Variants in RBFOX1 observed in about 807,000 individuals in gnomAD.
RBFOX1 encodes the protein RNA binding fox-1 homolog 1, also known as RNA binding protein fox-1 homolog 1.
A neutral mutation model predicts 57.7 loss-of-function variants in RBFOX1; 8 were observed. That is an observed-to-expected ratio of 0.14 (90% CI 0.08 to 0.25). RBFOX1 has a LOEUF of 0.25. Ranked by LOEUF, RBFOX1 falls within the 10% of genes least tolerant of loss-of-function variation. The probability of loss-of-function intolerance (pLI) is 1.00; values close to 1 mark genes in which losing one functional copy is unlikely to be tolerated. For synonymous variants in RBFOX1, 326 were observed against 222.4 expected, an observed-to-expected ratio of 1.47 and a Z score of -4.15; for missense variants, 611 against 548.5, an observed-to-expected ratio of 1.11 and a Z score of -1.14.
chr16:5,712,026 C>G (rs909799074), intron 3 of RBFOX1, among the ~76,000 whole-genome samples: 1 of 152,122 alleles, frequency 6.6e-6, no homozygotes, highest in African/African-American at 2.4e-5. Flanking sequence ...AGGAAACTTA[C>G]AATTATGATG....
intron 2 of RBFOX1, among the ~76,000 whole-genome samples, chr16:6,332,826 A>C (rs809063): frequency 0.32 from 48,145 of 152,022 alleles, 9,429 homozygotes; most frequent in African/African-American, 0.56. Context: ...GGGTAGATGA[A>C]AGGTGTTGGA....
chr16:7,087,675 T>C (rs2060199713), intron 4 of RBFOX1, among the ~76,000 whole-genome samples: 1 of 151,896 alleles, frequency 6.6e-6, no homozygotes, highest in African/African-American at 2.4e-5. Flanking sequence ...CCTCATAAAC[T>C]CATAAACAAG....
intron 1 of RBFOX1, among the ~76,000 whole-genome samples, chr16:6,279,440 T>G (rs376467185): frequency 2.6e-5 from 4 of 152,154 alleles, no homozygotes; most frequent in African/African-American, 9.7e-5. Flanking sequence ...GTAAACAGCT[T>G]CCTCTGCAGA....
intron 1 of RBFOX1, among the ~76,000 whole-genome samples, chr16:6,027,193 G>A (rs2095212976): frequency 6.6e-6 from 1 of 152,170 alleles, no homozygotes; most frequent in African/African-American, 2.4e-5. Flanking sequence ...GACACTCACT[G>A]GAAGCTCCTT....
At chr16:5,635,504 T>A (rs933678009) in intron 3 of RBFOX1, among the ~76,000 whole-genome samples, 7 of 152,216 alleles carry the variant, frequency 4.6e-5, no homozygotes, top group African/African-American at 1.7e-4. Flanking sequence ...CTTCTGGCTT[T>A]GAGTGACAAA....
intron 2 of RBFOX1, among the ~76,000 whole-genome samples, chr16:5,559,165 CAAAAA>C (rs35531242): frequency 1.1e-4 from 7 of 65,384 alleles, no homozygotes; most frequent in Non-Finnish European, 1.7e-4. Context: ...CCCCCCCAGG[CAAAAA>C]AAAAAAAAAA....
intron 4 of RBFOX1, among the ~76,000 whole-genome samples, chr16:7,444,540 C>G (rs371420373): frequency 8.5e-5 from 13 of 152,062 alleles, no homozygotes; most frequent in Middle Eastern, 3.4e-3. Context: ...GCTTGGGTAG[C>G]CTTTTTTTTT....
chr16:6,045,864 C>G (rs903117045), intron 1 of RBFOX1, among the ~76,000 whole-genome samples: 2 of 152,092 alleles, frequency 1.3e-5, no homozygotes, highest in Non-Finnish European at 2.9e-5. Flanking sequence ...ACACAAAACC[C>G]CAGGGAAAGA....
At chr16:6,860,288 C>G (rs917782078) in intron 3 of RBFOX1, among the ~76,000 whole-genome samples, 75 of 152,148 alleles carry the variant, frequency 4.9e-4, no homozygotes, top group African/African-American at 1.7e-3. Flanking sequence ...TATTTAATGT[C>G]TGATGACTAA....
intron 1 of RBFOX1, among the ~76,000 whole-genome samples, chr16:6,222,160 G>A (rs2097378489): frequency 6.6e-6 from 1 of 152,138 alleles, no homozygotes; most frequent in Non-Finnish European, 1.5e-5. Context: ...CAATGGAAAT[G>A]AATGTTTTAG....
intron 2 of RBFOX1, among the ~76,000 whole-genome samples, chr16:6,499,904 T>G (rs776852588): frequency 2.0e-5 from 3 of 152,142 alleles, no homozygotes; most frequent in Non-Finnish European, 4.4e-5. Flanking sequence ...AAGGATGTGG[T>G]AAGGGTGAGT....
chr16:6,580,658 A>G (rs1289636330), intron 2 of RBFOX1, among the ~76,000 whole-genome samples: 1 of 152,220 alleles, frequency 6.6e-6, no homozygotes, highest in Non-Finnish European at 1.5e-5. Context: ...GGGTATACAC[A>G]GTAAACTCAG....
chr16:6,858,057 G>A (rs1278254696), intron 3 of RBFOX1, among the ~76,000 whole-genome samples: 2 of 152,156 alleles, frequency 1.3e-5, no homozygotes, highest in African/African-American at 4.8e-5. Flanking sequence ...TCCCAAGAAT[G>A]GCCTTGCTTA....
intron 4 of RBFOX1, among the ~76,000 whole-genome samples, chr16:7,504,277 C>A (rs931159392): frequency 6.6e-6 from 1 of 151,906 alleles, no homozygotes; most frequent in African/African-American, 2.4e-5. Flanking sequence ...ACATTTAGGG[C>A]AGTGGCAAGC....
intron 4 of RBFOX1, among the ~76,000 whole-genome samples, chr16:7,198,303 C>A (rs963009502): frequency 6.6e-6 from 1 of 152,140 alleles, no homozygotes; most frequent in Non-Finnish European, 1.5e-5. Context: ...CCGCACATGG[C>A]CAATATACCC....
chr16:5,428,549 C>T (rs1455396687), intron 1 of RBFOX1, among the ~76,000 whole-genome samples: 1 of 152,114 alleles, frequency 6.6e-6, no homozygotes, highest in African/African-American at 2.4e-5. Flanking sequence ...TCAGATTGTC[C>T]TGAGCACCAC....
chr16:6,953,578 G>C (rs979612443), intron 3 of RBFOX1, among the ~76,000 whole-genome samples: 2 of 152,090 alleles, frequency 1.3e-5, no homozygotes, highest in Non-Finnish European at 1.5e-5. Context: ...GTAGAGATGG[G>C]GTTTTGCCAT....
intron 4 of RBFOX1, chr16:7,332,853 C>G (rs1464493489): frequency 7.6e-6 from 11 of 1,455,692 alleles, no homozygotes; most frequent in Middle Eastern, 2.6e-4. Context: ...TTCTTTCTTT[C>G]CTCTCCCGGC....
At chr16:7,348,970 G>T (rs888825612) in intron 4 of RBFOX1, among the ~76,000 whole-genome samples, 2 of 152,082 alleles carry the variant, frequency 1.3e-5, no homozygotes, top group African/African-American at 4.8e-5. Flanking sequence ...GAGAGAGGCA[G>T]AGATTGATCG....
Sources: allele counts gnomAD v4.1 joint callset (sites outside exome capture counted in the v4.1 genomes callset), GRCh38; gene constraint gnomAD v4.1.1; transcripts MANE v1.5; gene names NCBI Gene and HGNC (gene_info 2026-07-23, HGNC 2026-07-21).